Variants in ITPR1 observed in about 807,000 individuals in gnomAD.
The protein encoded by ITPR1 is inositol 1,4,5-trisphosphate-gated calcium channel ITPR1.
ITPR1 carries 96 observed loss-of-function variants against 318.4 expected under a neutral mutation model. That is an observed-to-expected ratio of 0.30 (90% CI 0.26 to 0.36). The LOEUF is 0.36. ITPR1 is among the 10% of genes least tolerant of loss of function. The probability of loss-of-function intolerance (pLI) is 1.00; values close to 1 mark genes in which losing one functional copy is unlikely to be tolerated. For synonymous variants in ITPR1, 1,312 were observed against 1,289.9 expected, an observed-to-expected ratio of 1.02 and a Z score of -0.37; for missense variants, 2,440 against 3,460.2, an observed-to-expected ratio of 0.71 and a Z score of 7.40.
intron 4 of ITPR1, among the ~76,000 whole-genome samples, chr3:4,564,037 G>T (rs1367897880): frequency 6.6e-6 from 1 of 152,068 alleles, no homozygotes; most frequent in African/African-American, 2.4e-5. Flanking sequence ...CACCTCCGGG[G>T]TTCAAGCGAT....
At chr3:4,829,978 TTGTG>T (rs71053446) in intron 60 of ITPR1, among the ~76,000 whole-genome samples, 3 of 92,514 alleles carry the variant, frequency 3.2e-5, no homozygotes, top group Admixed American at 1.6e-4. Context: ...TTTTTTTTTT[TTGTG>T]TGTGTGTGTG....
chr3:4,617,856 A>G lies in ITPR1; in HGVS notation c.164-9907A>G, dbSNP rs112841183. ...AAAAAAAAAAAAGGCTTACAGGCTT[A>G]CACCTGTAGTCCCAACTCCCTGAGA... On this transcript the variant is annotated intron_variant, in intron 4 of 61. Coordinates refer to ENST00000649015, the MANE Select transcript of ITPR1 (RefSeq NM_001378452.1). 3.4e-3 allele frequency among the ~76,000 whole-genome samples: 513 copies of G among 151,752 alleles called. 2 individuals are homozygous for G. The highest frequency in any genetic ancestry group is 0.012 in the African/African-American group (490 of 41,340).
chr3:4,725,069 G>A (rs970507114), intron 40 of ITPR1, among the ~76,000 whole-genome samples: 9 of 152,086 alleles, frequency 5.9e-5, no homozygotes, highest in African/African-American at 1.7e-4. Flanking sequence ...GAGAGACATG[G>A]GAGAAAGCCT....
intron 45 of ITPR1, among the ~76,000 whole-genome samples, chr3:4,767,335 C>T (rs564407948): frequency 6.6e-6 from 1 of 152,246 alleles, no homozygotes; most frequent in Non-Finnish European, 1.5e-5. Flanking sequence ...CCAGTAGATG[C>T]CAGCAGCATA....
At chr3:4,505,629 G>T (rs966635561) in intron 2 of ITPR1, among the ~76,000 whole-genome samples, 6 of 152,240 alleles carry the variant, frequency 3.9e-5, no homozygotes, top group African/African-American at 1.4e-4. Flanking sequence ...GGGGAAGGCT[G>T]ATGGACTTGT....
intron 4 of ITPR1, among the ~76,000 whole-genome samples, chr3:4,615,191 ACAGTCTTTAATAAGCC>A (rs1163179839): frequency 1.3e-5 from 2 of 152,036 alleles, no homozygotes; most frequent in African/African-American, 4.8e-5. Flanking sequence ...CCCAGTTATC[ACAGTCTTTAATAAGCC>A]CTGAGTCTTC....
intron 4 of ITPR1, among the ~76,000 whole-genome samples, chr3:4,614,132 A>C (rs1248589737): frequency 6.6e-6 from 1 of 152,218 alleles, no homozygotes; most frequent in Non-Finnish European, 1.5e-5. Context: ...CAGGCGTGGC[A>C]GTGCATACCT....
Position 4,777,308 on chromosome 3 carries a change from A to G in ITPR1, c.6225A>G (p.Thr2075=), listed in dbSNP as rs760771225. ...AATCCAATGGCATTGACATCATCAC[A>G]GCCCTGATCCTCAATGATATCAATC... ...THESNGIDII[T]ALILNDINPL... The change falls in exon 48 of 62, where the codon ACA becomes ACG. Residue 2075 remains threonine, a synonymous_variant. Transcript: ENST00000649015. The G allele has an allele frequency of 1.9e-6, 3 of 1,608,170 alleles. No homozygotes were observed. In the South Asian group the frequency reaches 3.4e-5, roughly 18 times the overall value.
At chr3:4,737,072 T>G (rs763201558) in intron 44 of ITPR1, among the ~76,000 whole-genome samples, 8 of 152,240 alleles carry the variant, frequency 5.3e-5, no homozygotes, top group Non-Finnish European at 8.8e-5. Flanking sequence ...AGTGTCTTCT[T>G]TAATGAAATG....
intron 29 of ITPR1, 91 bp downstream of exon 29, chr3:4,684,437 T>C: frequency 1.1e-6 from 1 of 902,936 alleles, no homozygotes; most frequent in Non-Finnish European, 1.8e-6. Context: ...GTACACACAT[T>C]TGAGCTTTTT....
At chr3:4,497,718 T>C (rs756059810) in intron 2 of ITPR1, among the ~76,000 whole-genome samples, 1 of 152,218 alleles carries the variant, frequency 6.6e-6, no homozygotes, top group Non-Finnish European at 1.5e-5. Flanking sequence ...GTATATACTT[T>C]AAAAAATTGA....
chr3:4,708,204 A>T (rs997593349), intron 37 of ITPR1, among the ~76,000 whole-genome samples: 1 of 152,242 alleles, frequency 6.6e-6, no homozygotes, highest in African/African-American at 2.4e-5. Context: ...ACCGAAAAGA[A>T]GATGAAAATA....
chr3:4,667,108 A>G (rs1162085299), intron 17 of ITPR1, among the ~76,000 whole-genome samples: 2 of 152,242 alleles, frequency 1.3e-5, no homozygotes, highest in African/African-American at 4.8e-5. Flanking sequence ...ATTAAAATTT[A>G]TACTGTGCAC....
At chr3:4,508,026 A>AGGAGCTTG (rs1288743900) in intron 2 of ITPR1, among the ~76,000 whole-genome samples, 1 of 152,160 alleles carries the variant, frequency 6.6e-6, no homozygotes, top group African/African-American at 2.4e-5. Context: ...TAAAATACAG[A>AGGAGCTTG]GGAGCTTGGT....
intron 60 of ITPR1, among the ~76,000 whole-genome samples, chr3:4,831,586 C>A (rs892549209): frequency 5.3e-5 from 8 of 152,170 alleles, no homozygotes; most frequent in South Asian, 2.1e-4. Flanking sequence ...ACACACACAC[C>A]CCAAGATAAT....
At chr3:4,615,630 C>T (rs145382019) in intron 4 of ITPR1, among the ~76,000 whole-genome samples, 48 of 152,236 alleles carry the variant, frequency 3.2e-4, no homozygotes, top group Middle Eastern at 3.4e-3. Flanking sequence ...CTCGCCTTGG[C>T]CTCCCCAAAG....
chr3:4,561,649 G>GTGTTTAAGCT, intron 4 of ITPR1, among the ~76,000 whole-genome samples: 1 of 152,022 alleles, frequency 6.6e-6, no homozygotes, highest in Non-Finnish European at 1.5e-5. Flanking sequence ...GGTGGATTTC[G>GTGTTTAAGCT]GATGGTGTTA....
intron 44 of ITPR1, among the ~76,000 whole-genome samples, chr3:4,758,665 C>T (rs116762912): frequency 3.0e-4 from 46 of 152,312 alleles, no homozygotes; most frequent in African/African-American, 1.1e-3. Context: ...GGACTGTGAC[C>T]TCTTGCACCT....
intron 61 of ITPR1, among the ~76,000 whole-genome samples, chr3:4,844,091 A>C (rs1435692059): frequency 6.6e-6 from 1 of 151,806 alleles, no homozygotes; most frequent in Non-Finnish European, 1.5e-5. Flanking sequence ...CTTTGAGTAA[A>C]GTATCCTTCA....
Sources: allele counts gnomAD v4.1 joint callset (sites outside exome capture counted in the v4.1 genomes callset), GRCh38; gene constraint gnomAD v4.1.1; transcripts MANE v1.5; gene names NCBI Gene and HGNC (gene_info 2026-07-23, HGNC 2026-07-21).